Variants in CNOT1 observed in about 807,000 individuals in gnomAD.
CNOT1 encodes the protein CCR4-NOT transcription complex subunit 1, also known as CCR4-associated factor 1.
In CNOT1, 15 loss-of-function variants were observed where a neutral mutation model predicts 273.8. The ratio of observed to expected loss-of-function variants is 0.05; its 90% confidence interval spans 0.04 to 0.08. The LOEUF is 0.08. Among genes scored for constraint, CNOT1 ranks in the 10% least tolerant of loss-of-function variants. The pLI is 1.00. For missense variants in CNOT1, 1,644 were observed against 2,912.2 expected (o/e 0.56, Z 10.02); for synonymous variants, 1,022 against 1,005.5 (o/e 1.02, Z -0.31).
intron 35 of CNOT1, 93 bp from the exon 36 acceptor site, chr16:58,539,007 A>T (rs1422955328): frequency 1.3e-6 from 2 of 1,507,270 alleles, no homozygotes; most frequent in Non-Finnish European, 1.8e-6. Context: ...CCAAGTACCA[A>T]ATACCTTCCA....
chr16:58,546,886 C>A, intron 27 of CNOT1, 137 bp from the exon 28 acceptor site: 1 of 1,162,702 alleles, frequency 8.6e-7, no homozygotes, highest in Admixed American at 2.5e-5. Context: ...TAAAAAATAA[C>A]CAAAAACAGT....
At chr16:58,552,783 T>C (rs1567402466) in intron 22 of CNOT1, among the ~76,000 whole-genome samples, 2 of 152,152 alleles carry the variant, frequency 1.3e-5, no homozygotes, top group Non-Finnish European at 1.5e-5. Context: ...ATAAAGTCAA[T>C]TAACCAACTT....
rs756279045 is a variant in CNOT1, at chr16:58,558,515, T to C, written c.2290A>G (p.Thr764Ala). 1 of 1,613,716 alleles carries C rather than the reference T, an allele frequency of 6.2e-7. No individual in the cohort carries two copies. Among genetic ancestry groups the C allele is most frequent in the South Asian group, 1.1e-5 (1 of 91,026 alleles). ...AGTCCTCCAATACCACTGAATGCAGTGGTCTGATTGGGGGTTGAAAGGGGT... is the reference window on the plus strand; with the variant it reads ...AGTCCTCCAATACCACTGAATGCAGCGGTCTGATTGGGGGTTGAAAGGGGT... ...FPPLSTPNQT[T>A]AFSGIGGLSS... The change falls in exon 18 of 49, where the codon ACT becomes GCT. Residue 764 changes from threonine to alanine, a missense_variant. Thr to Ala is a moderately conservative substitution (Grantham distance 58). Around this residue, in one of 13 missense-constraint regions of CNOT1, gnomAD observed 706 missense variants for 1,021.2 expected, o/e 0.69. Transcript: ENST00000317147.
intron 2 of CNOT1, among the ~76,000 whole-genome samples, chr16:58,595,517 G>C (rs975149980): frequency 6.7e-6 from 1 of 150,234 alleles, no homozygotes; most frequent in Non-Finnish European, 1.5e-5. Context: ...CAGAGGGAAA[G>C]ATTAAGATAT....
chr16:58,551,528 A>G (rs2040449137), intron 23 of CNOT1, 61 bp downstream of exon 23: 3 of 1,533,708 alleles, frequency 2.0e-6, no homozygotes, highest in Non-Finnish European at 2.7e-6. Flanking sequence ...ATACATGTTC[A>G]CCACTGATTA....
chr16:58,609,573 C>T (rs1318149368), intron 1 of CNOT1, among the ~76,000 whole-genome samples: 1 of 151,848 alleles, frequency 6.6e-6, no homozygotes, highest in Admixed American at 6.6e-5. Flanking sequence ...AGTGATCCTC[C>T]CGCCTTAGCC....
intron 1 of CNOT1, among the ~76,000 whole-genome samples, chr16:58,607,737 AAG>A (rs1402647975): frequency 7.8e-5 from 9 of 115,408 alleles, no homozygotes; most frequent in African/African-American, 2.8e-4. Flanking sequence ...AAAAAAAAAA[AAG>A]AAAGAAAGAA....
intron 1 of CNOT1, among the ~76,000 whole-genome samples, chr16:58,607,234 T>C (rs547101980): frequency 6.6e-6 from 1 of 152,284 alleles, no homozygotes; most frequent in South Asian, 2.1e-4. Flanking sequence ...GATAGTATTA[T>C]TTACCGCAGC....
chr16:58,601,504 A>G (rs577101445), intron 1 of CNOT1, among the ~76,000 whole-genome samples: 1 of 152,300 alleles, frequency 6.6e-6, no homozygotes, highest in East Asian at 1.9e-4. Flanking sequence ...GTCCGCTTGT[A>G]ATTTCATTAC....
rs1427180576 is a variant in CNOT1, at chr16:58,520,989, T to C, written c.7100A>G (p.Gln2367Arg). The C allele has an allele frequency of 6.2e-6, 10 of 1,613,928 alleles. No individual in the cohort carries two copies. The highest frequency in any genetic ancestry group is 1.3e-5 in the African/African-American group (1 of 74,944). ...AQCCMGQKQA[Q>R]QVMEGTGAS ...GGCACCTGTCCCTTCCATTACTTGC[T>C]GGGCCTGCTTCTGTCCCATGCAGCA... Residue 2367 changes from glutamine (Q) to arginine (R), a missense_variant, in exon 49 of 49, where the codon CAG becomes CGG. Coordinates refer to ENST00000317147, the MANE Select transcript of CNOT1 (RefSeq NM_016284.5).
At position 58,574,998 on chromosome 16, in the gene CNOT1, C is replaced by A. The variant is rs759911775; in HGVS notation, c.1827+9G>T. 6.2e-7 allele frequency: 1 copy of A among 1,609,952 alleles called. No individual in the cohort carries two copies. Among genetic ancestry groups the A allele is most frequent in the East Asian group, 2.2e-5 (1 of 44,850 alleles). On this transcript the variant is annotated intron_variant, in intron 15 of 48. Transcript: ENST00000317147. ...TAAGAGCAAAAATAAATGAACAAATCCTGCTTACCCCATGCTCTCGAATTT... is the reference window on the plus strand; with the variant it reads ...TAAGAGCAAAAATAAATGAACAAATACTGCTTACCCCATGCTCTCGAATTT...
Position 58,556,944 on chromosome 16 carries a change from A to T in CNOT1, c.2382T>A (p.Leu794=), listed in dbSNP as rs2040650603. The change falls in exon 19 of 49, where the codon CTT becomes CTA. Residue 794 remains leucine (L), a synonymous_variant. Coordinates refer to ENST00000317147, the MANE Select transcript of CNOT1 (RefSeq NM_016284.5). The part of the protein sequence containing the change: ...GSLTGIGTGA[L]GLPAVNNDPF... ...GGTCGTTATTCACTGCAGGGAGTCCAAGAGCACCAGTTCCTATACCAGTCA... is the reference window on the plus strand; with the variant it reads ...GGTCGTTATTCACTGCAGGGAGTCCTAGAGCACCAGTTCCTATACCAGTCA... 1.2e-6 allele frequency: 2 copies of T among 1,614,176 alleles called. No homozygotes were observed. The highest frequency in any genetic ancestry group is 1.7e-6 in the Non-Finnish European group (2 of 1,180,026).
chr16:58,551,805 T>C lies in CNOT1; in HGVS notation c.2985A>G (p.Gly995=). The change falls in exon 23 of 49, where the codon GGA becomes GGG. Residue 995 remains glycine (G), a synonymous_variant. Transcript: ENST00000317147. ...PHHLQEYIEY[G]QQSRDPPVKM... ...TCACAGGAGGATCTCTAGACTGCTG[T>C]CCATACTCAATATACTAAAAGGGTA... 1.2e-6 allele frequency: 2 copies of C among 1,614,172 alleles called. No homozygotes were observed. Among genetic ancestry groups the C allele is most frequent in the Non-Finnish European group, 1.7e-6 (2 of 1,180,020 alleles).
intron 7 of CNOT1, 100 bp downstream of exon 7, chr16:58,586,445 A>AGGAGGGG: frequency 1.3e-5 from 1 of 77,802 alleles, no homozygotes; most frequent in African/African-American, 2.8e-4. Flanking sequence ...GAGGGCAGGG[A>AGGAGGGG]GGAGGGGAGG....
intron 19 of CNOT1, 22 bp from the exon 20 acceptor site, chr16:58,555,930 T>TC (rs1244682810): frequency 1.9e-6 from 3 of 1,608,046 alleles, no homozygotes; most frequent in Non-Finnish European, 2.5e-6. Flanking sequence ...AAAAAAGGAA[T>TC]CAGTGGGCAT....
chr16:58,562,599 G>A (rs11861806), intron 16 of CNOT1, among the ~76,000 whole-genome samples: 34,657 of 151,548 alleles, frequency 0.23, 4,310 homozygotes, highest in African/African-American at 0.33. Flanking sequence ...AGAGGCAAGC[G>A]GATCACAAGG....
chr16:58,551,443 G>T, intron 23 of CNOT1, 146 bp downstream of exon 23: 2 of 1,191,490 alleles, frequency 1.7e-6, no homozygotes, highest in Non-Finnish European at 2.3e-6. Context: ...GGAAATATAA[G>T]GATGGGAGAT....
At chr16:58,538,691 C>G in intron 36 of CNOT1, 81 bp downstream of exon 36, 2 of 1,568,602 alleles carry the variant, frequency 1.3e-6, no homozygotes, top group Admixed American at 3.6e-5. Context: ...AAAAGGGAAA[C>G]CCCTGGACAT....
At chr16:58,609,681 T>G (rs535050137) in intron 1 of CNOT1, among the ~76,000 whole-genome samples, 15 of 152,194 alleles carry the variant, frequency 9.9e-5, no homozygotes, top group East Asian at 7.7e-4. Context: ...CAAGCTGGTC[T>G]GGAACTCCTG....
Sources: gnomAD v4.1 joint callset for allele counts (sites outside exome capture counted in the v4.1 genomes callset) on GRCh38, gnomAD v4.1.1 for gene constraint, gnomAD v4.1.1 regional missense constraint, MANE v1.5 for transcripts, NCBI Gene and HGNC (gene_info 2026-07-23, HGNC 2026-07-21) for gene names.